The following SPATA13 variants were observed in gnomAD, a reference collection of about 807,000 sequenced individuals.
The protein encoded by SPATA13 is spermatogenesis associated 13.
SPATA13 carries 50 observed loss-of-function variants against 104.0 expected under a neutral mutation model. The observed-to-expected ratio is 0.48, with a 90% CI of 0.38 to 0.61. The LOEUF is 0.61. SPATA13 is among the 20% of genes least tolerant of loss of function. The pLI is 0.00. For missense variants in SPATA13, 1,524 were observed against 1,690.6 expected (o/e 0.90, Z 1.73); for synonymous variants, 606 against 667.5 (o/e 0.91, Z 1.42).
intron 3 of SPATA13, among the ~76,000 whole-genome samples, chr13:24,073,043 T>C (rs1211255490): frequency 6.6e-6 from 1 of 152,170 alleles, no homozygotes; most frequent in Non-Finnish European, 1.5e-5. Flanking sequence ...TAGATTTTCA[T>C]AGGGATCACC....
intron 3 of SPATA13, chr13:24,122,686 T>C (rs1881075880): frequency 2.0e-6 from 2 of 991,648 alleles, no homozygotes; most frequent in South Asian, 2.6e-5. Context: ...AGTGTGTCTG[T>C]ATCAACTGTT....
chr13:24,130,551 C>T (rs1183135581), intron 3 of SPATA13, among the ~76,000 whole-genome samples: 3 of 152,150 alleles, frequency 2.0e-5, no homozygotes, highest in Non-Finnish European at 4.4e-5. Flanking sequence ...CATTGTTTAG[C>T]GTCATGGGAA....
At chr13:24,017,000 C>T (rs764163339) in intron 2 of SPATA13, among the ~76,000 whole-genome samples, 64 of 152,286 alleles carry the variant, frequency 4.2e-4, no homozygotes, top group Non-Finnish European at 6.3e-4. Context: ...GACACAGACT[C>T]GGCAGCCTCA....
rs1159559373 is a variant in SPATA13 at position 24,304,977 on chromosome 13, T to C, written c.*2204T>C. 2 of 152,250 alleles carry C rather than the reference T, an allele frequency of 1.3e-5. No homozygotes were observed. The highest frequency in any genetic ancestry group is 2.9e-5 in the Non-Finnish European group (2 of 68,044). The allele number at this position is 152,250 out of a possible 1,614,324, so 9.4% of individuals were successfully genotyped here. ...CTTAATATGCTTTTCCTGCACACCT[T>C]AGCAATAACTGTAGGGGTCTCTGCT... On this transcript the variant is annotated 3_prime_UTR_variant, in exon 13 of 13. Coordinates refer to ENST00000382108, the MANE Select transcript of SPATA13 (RefSeq NM_001166271.3).
intron 2 of SPATA13, among the ~76,000 whole-genome samples, chr13:24,225,712 T>A (rs1249422995): frequency 6.6e-6 from 1 of 152,132 alleles, no homozygotes; most frequent in African/African-American, 2.4e-5. Context: ...GTGTTACAAC[T>A]TTAGTTGAGG....
intron 3 of SPATA13, among the ~76,000 whole-genome samples, chr13:24,054,201 A>G (rs1878461066): frequency 6.6e-6 from 1 of 152,188 alleles, no homozygotes; most frequent in Non-Finnish European, 1.5e-5. Context: ...CGGAGTTCCC[A>G]TCACACCCCA....
chr13:24,020,996 G>T (rs539333796), intron 3 of SPATA13, among the ~76,000 whole-genome samples: 120 of 152,270 alleles, frequency 7.9e-4, no homozygotes, highest in Admixed American at 2.2e-3. Flanking sequence ...GGCCTAGATC[G>T]AGACACTGCA....
At chr13:24,028,447 A>G (rs1593286715) in intron 3 of SPATA13, among the ~76,000 whole-genome samples, 1 of 152,308 alleles carries the variant, frequency 6.6e-6, no homozygotes, top group Middle Eastern at 3.4e-3. Context: ...TACAGATAAT[A>G]TTCTCCTGAC....
chr13:24,267,516 G>A (rs777771202), intron 4 of SPATA13, among the ~76,000 whole-genome samples: 8 of 152,104 alleles, frequency 5.3e-5, no homozygotes, highest in Non-Finnish European at 1.0e-4. Context: ...CTCTTGTACC[G>A]GATGCCGATG....
chr13:24,024,356 CGGATGGATGGAT>C (rs71070644), intron 3 of SPATA13, among the ~76,000 whole-genome samples: 1 of 150,878 alleles, frequency 6.6e-6, no homozygotes, highest in Non-Finnish European at 1.5e-5. Flanking sequence ...AATGGATGGA[CGGATGGATGGAT>C]GGATGGATGG....
chr13:24,281,141 T>A lies in SPATA13; in HGVS notation c.2165-2994T>A, dbSNP rs61170395. On this transcript the variant is annotated intron_variant, in intron 4 of 12. Transcript: ENST00000382108. ...CTGGCAACCGTCCCCTCTCCTTTAA[T>A]GAGCAGGTAAGAAAGCTAGGGCCCA... is the stretch of plus-strand genomic sequence containing the variant. 2.6e-5 allele frequency among the ~76,000 whole-genome samples: 4 copies of A among 152,180 alleles called. No homozygotes were observed. The East Asian group carries it at 5.8e-4, about 22-fold the overall frequency.
chr13:24,017,507 A>G (rs1228749941), intron 2 of SPATA13, among the ~76,000 whole-genome samples: 1 of 152,178 alleles, frequency 6.6e-6, no homozygotes, highest in East Asian at 1.9e-4. Context: ...TTGTATGTGT[A>G]TATATGTATA....
chr13:24,284,171 T>G lies in SPATA13; in HGVS notation c.2201T>G (p.Val734Gly). ...GGAGGTACTGAGCCCTCTGCCTTAG[T>G]GGATGACAACGGTAGTGAGGAGGAC... is the stretch of plus-strand genomic sequence containing the variant. Reference protein sequence around the residue: ...SDGGTEPSALVDDNGSEEDFS... With the variant: ...SDGGTEPSALGDDNGSEEDFS... Residue 734 changes from valine (V) to glycine (G), a missense_variant, in exon 5 of 13, where the codon GTG (valine) becomes GGG (glycine). Physicochemically the swap from Val to Gly is moderately radical, Grantham distance 109 (BLOSUM62 -3). This residue lies in a region of SPATA13 where 1,089 missense variants were observed against 1,135.9 expected (regional missense o/e 0.96). Coordinates refer to ENST00000382108, the MANE Select transcript of SPATA13 (RefSeq NM_001166271.3). 6.2e-7 allele frequency: 1 copy of G among 1,613,906 alleles called. No homozygotes were observed. Among genetic ancestry groups the G allele is most frequent in the East Asian group, 2.2e-5 (1 of 44,882 alleles).
At chr13:24,114,959 G>GC (rs200720706) in intron 3 of SPATA13, among the ~76,000 whole-genome samples, 1,597 of 152,280 alleles carry the variant, frequency 0.01, 26 homozygotes, top group African/African-American at 0.036. Flanking sequence ...ACTACACCCA[G>GC]CCCCTTGGCT....
intron 1 of SPATA13, among the ~76,000 whole-genome samples, chr13:24,171,292 C>T (rs970391227): frequency 2.0e-5 from 3 of 152,070 alleles, no homozygotes; most frequent in South Asian, 2.1e-4. Context: ...TTTCAAGAGA[C>T]GAAGGAAGAT....
intron 1 of SPATA13, among the ~76,000 whole-genome samples, chr13:24,207,616 G>C (rs1469485237): frequency 6.6e-6 from 1 of 152,146 alleles, no homozygotes; most frequent in Non-Finnish European, 1.5e-5. Flanking sequence ...AAGGTAACAG[G>C]CTTCTAAATA....
intron 2 of SPATA13, among the ~76,000 whole-genome samples, chr13:23,984,601 C>A (rs1440850069): frequency 6.6e-6 from 1 of 152,174 alleles, no homozygotes; most frequent in East Asian, 1.9e-4. Flanking sequence ...AAGTGTGAGG[C>A]CCCGGATGAA....
intron 2 of SPATA13, among the ~76,000 whole-genome samples, chr13:24,002,185 G>A (rs1485894913): frequency 6.6e-6 from 1 of 152,092 alleles, no homozygotes; most frequent in Admixed American, 6.6e-5. Flanking sequence ...TTTACAAGCA[G>A]AGGTCTAAGA....
chr13:24,190,804 C>T (rs1050222104), intron 1 of SPATA13, among the ~76,000 whole-genome samples: 4 of 152,136 alleles, frequency 2.6e-5, no homozygotes, highest in Non-Finnish European at 4.4e-5. Flanking sequence ...TAGAATATTA[C>T]ATAAATTTAA....
Sources: allele counts gnomAD v4.1 joint callset (sites outside exome capture counted in the v4.1 genomes callset), GRCh38; gene constraint gnomAD v4.1.1; regional missense constraint gnomAD v4.1.1; transcripts MANE v1.5; gene names NCBI Gene and HGNC (gene_info 2026-07-23, HGNC 2026-07-21).